The following B4GALNT2 variants were observed in gnomAD, a reference collection of about 807,000 sequenced individuals.
B4GALNT2 encodes the protein beta-1,4-N-acetyl-galactosaminyltransferase 2 (SID blood group).
A neutral mutation model predicts 51.1 loss-of-function variants in B4GALNT2; 42 were observed. The ratio of observed to expected loss-of-function variants is 0.82; its 90% CI spans 0.64 to 1.06. B4GALNT2 has a LOEUF of 1.06. Ranked by LOEUF, B4GALNT2 falls within the 50% of genes least tolerant of loss-of-function variation. The pLI is 0.00. For missense variants in B4GALNT2, 602 were observed against 633.6 expected, an observed-to-expected ratio of 0.95 and a Z score of 0.54; for synonymous variants, 253 against 251.7, an observed-to-expected ratio of 1.01 and a Z score of -0.05.
intron 3 of B4GALNT2, 50 bp from the exon 4 acceptor site, chr17:49,152,750 A>G (rs2042771089): frequency 7.5e-7 from 1 of 1,339,436 alleles, no homozygotes; most frequent in African/African-American, 1.5e-5. Context: ...AGAACGAACC[A>G]GGGACCAGCA....
At position 49,159,088 on chromosome 17, in the gene B4GALNT2, G is replaced by A; in HGVS notation, c.550G>A (p.Asp184Asn). 6.2e-7 allele frequency: 1 copy of A among 1,614,230 alleles called. No homozygotes were observed. The highest frequency in any genetic ancestry group is 8.5e-7 in the Non-Finnish European group (1 of 1,180,036). The change falls in exon 6 of 11, where the codon GAC (aspartate) becomes AAC (asparagine). Residue 184 changes from aspartate to asparagine, a missense_variant. Transcript: ENST00000393354. The part of the protein sequence containing the change: ...GTLNTLADVP[D>N]SVVQGRGQKQ... ...ACTGAACACCCTTGCTGATGTCCCA[G>A]ACAGTGTGGTGCAGGGCAGAGGCCA...
chr17:49,126,020 T>C, the B4GALNT2 span, among the ~76,000 whole-genome samples: 7 of 110,334 alleles, frequency 6.3e-5, no homozygotes, highest in Non-Finnish European at 1.1e-4. Flanking sequence ...TCATTGAGAG[T>C]GGGCCATGAT....
chr17:49,134,465 T>C (rs908952489), intron 1 of B4GALNT2, among the ~76,000 whole-genome samples: 1 of 151,988 alleles, frequency 6.6e-6, no homozygotes, highest in African/African-American at 2.4e-5. Context: ...AGTGCAGTGA[T>C]GCGATCTCGG....
rs543572947 is a variant in B4GALNT2 at position 49,171,072 on chromosome 17, C to T, written c.*1344C>T. On this transcript the variant is annotated 3_prime_UTR_variant, in exon 11 of 11. Transcript: ENST00000393354. ...GTTTGGGCATCATGGCCATCATGAA[C>T]ATGTCACAGTACTGCAGAGATTTTG... The T allele has an allele frequency of 3.0e-5, 5 of 167,070 alleles. No homozygotes were observed. In the East Asian group the frequency reaches 9.2e-4, roughly 31 times the overall value. The allele number at this position is 167,070 out of a possible 1,614,324, so 10.3% of individuals were successfully genotyped here. A position where few individuals can be genotyped will look rare whatever the true frequency, so the allele number is the denominator to read the frequency against.
upstream of B4GALNT2, among the ~76,000 whole-genome samples, chr17:49,127,937 T>C (rs1444245295): frequency 6.6e-6 from 1 of 152,126 alleles, no homozygotes; most frequent in East Asian, 1.9e-4. Context: ...AGTAATTCAG[T>C]TGATTGGGAG....
the B4GALNT2 span, among the ~76,000 whole-genome samples, chr17:49,125,864 CG>C: frequency 7.8e-6 from 1 of 127,612 alleles, no homozygotes; most frequent in Non-Finnish European, 1.7e-5. Flanking sequence ...CCACCCCGTC[CG>C]GGAGGGAGGT....
the B4GALNT2 span, among the ~76,000 whole-genome samples, chr17:49,125,603 C>T: frequency 6.6e-6 from 1 of 151,602 alleles, no homozygotes; most frequent in Non-Finnish European, 1.5e-5. Context: ...GCCCGGCTGC[C>T]CGTCGTCTGG....
intron 5 of B4GALNT2, 98 bp from the exon 6 acceptor site, chr17:49,158,939 T>C: frequency 7.2e-7 from 1 of 1,381,068 alleles, no homozygotes; most frequent in Non-Finnish European, 1.0e-6. Flanking sequence ...CACCCTTATG[T>C]GCTCTGCCCT....
chr17:49,154,416 T>A lies in B4GALNT2; in HGVS notation c.460+1510T>A, dbSNP rs137922598. 6.6e-5 allele frequency among the ~76,000 whole-genome samples: 10 copies of A among 152,216 alleles called. 1 individual carries two copies. In the East Asian group the frequency reaches 1.9e-3, roughly 29 times the overall value. On this transcript the variant is annotated intron_variant, in intron 4 of 10. Transcript: ENST00000393354. ...CTCATCAGAATAAAGTTGAATATTATCAGAGGGACCAGAAGGATGAGCCTG... is the reference window on the plus strand; with the variant it reads ...CTCATCAGAATAAAGTTGAATATTAACAGAGGGACCAGAAGGATGAGCCTG...
chr17:49,148,353 G>T, intron 3 of B4GALNT2: 4 of 364,910 alleles, frequency 1.1e-5, no homozygotes, highest in South Asian at 8.2e-5. Context: ...TGAGGTGGCT[G>T]ACCACATCCA....
At chr17:49,141,048 C>A (rs1272741533) in intron 1 of B4GALNT2, among the ~76,000 whole-genome samples, 199 bp from the exon 2 acceptor site, 3 of 151,122 alleles carry the variant, frequency 2.0e-5, no homozygotes, top group Admixed American at 1.3e-4. Flanking sequence ...GATTTTTTTG[C>A]CATCCTTTTA....
At chr17:49,152,574 G>A (rs188100488) in intron 3 of B4GALNT2, among the ~76,000 whole-genome samples, 25 of 152,346 alleles carry the variant, frequency 1.6e-4, no homozygotes, top group African/African-American at 5.8e-4. Flanking sequence ...TACTAGGTAG[G>A]CTGAGGCAGG....
At position 49,170,919 on chromosome 17, in the gene B4GALNT2, C is replaced by G. The variant is rs2042953547; in HGVS notation, c.*1191C>G. 6.5e-6 allele frequency: 1 copy of G among 152,844 alleles called. No individual in the cohort carries two copies. The highest frequency in any genetic ancestry group is 2.4e-5 in the African/African-American group (1 of 41,476). The allele number at this position is 152,844 out of a possible 1,614,324, so 9.5% of individuals were successfully genotyped here. On this transcript the variant is annotated 3_prime_UTR_variant, in exon 11 of 11. Coordinates refer to ENST00000393354, the MANE Select transcript of B4GALNT2 (RefSeq NM_001159387.2). ...ATGGGCTCTGGCTAGTTATCTGCAG[C>G]AGGAACATGTCCTTAAAGCACAGAT...
At chr17:49,136,923 A>G (rs1407515375) in intron 1 of B4GALNT2, among the ~76,000 whole-genome samples, 1 of 152,188 alleles carries the variant, frequency 6.6e-6, no homozygotes, top group Non-Finnish European at 1.5e-5. Flanking sequence ...ACATTCTTAC[A>G]CATTAAACTA....
At chr17:49,147,705 G>GACC (rs1329640670) in intron 3 of B4GALNT2, among the ~76,000 whole-genome samples, 1 of 151,856 alleles carries the variant, frequency 6.6e-6, no homozygotes, top group African/African-American at 2.4e-5. Context: ...CCACTCCCCT[G>GACC]ACCACTACCA....
At chr17:49,133,562 G>A (rs980578699) in intron 1 of B4GALNT2, among the ~76,000 whole-genome samples, 1 of 152,126 alleles carries the variant, frequency 6.6e-6, no homozygotes, top group African/African-American at 2.4e-5. Flanking sequence ...TGACAAAGAA[G>A]TCATCTCACA....
At position 49,173,523 on chromosome 17, in the gene B4GALNT2, C is replaced by A. The variant is rs182056785; in HGVS notation, c.*3795C>A. 304 of 152,254 alleles carry A rather than the reference C, an allele frequency of 2.0e-3. 2 individuals are homozygous for A. The highest frequency in any genetic ancestry group is 7.0e-3 in the African/African-American group (291 of 41,554). 9.4% of individuals were successfully genotyped at this position (152,254 alleles called of 1,614,324 possible). A position where few individuals can be genotyped will look rare whatever the true frequency, so the allele number is the denominator to read the frequency against. ...AATTAGTTAATTTCAAAAATTGAAA[C>A]AATTTTGTTTTGGGAAAATGATTAT... On this transcript the variant is annotated 3_prime_UTR_variant, in exon 11 of 11. Coordinates refer to ENST00000393354, the MANE Select transcript of B4GALNT2 (RefSeq NM_001159387.2).
At chr17:49,163,605 A>C (rs1236242221) in intron 7 of B4GALNT2, among the ~76,000 whole-genome samples, 1 of 151,960 alleles carries the variant, frequency 6.6e-6, no homozygotes, top group East Asian at 1.9e-4. Context: ...AAAATACAAA[A>C]ATTAGCTGGG....
intron 6 of B4GALNT2, 26 bp from the exon 7 acceptor site, chr17:49,160,529 T>C: frequency 1.2e-6 from 2 of 1,600,854 alleles, no homozygotes; most frequent in Non-Finnish European, 1.7e-6. Context: ...ATACTCCCTG[T>C]GCCATTATCT....
Sources: allele counts gnomAD v4.1 joint callset (sites outside exome capture counted in the v4.1 genomes callset), GRCh38; gene constraint gnomAD v4.1.1; transcripts MANE v1.5; gene names NCBI Gene and HGNC (gene_info 2026-07-23, HGNC 2026-07-21).